Variants in SH3GL2 observed in about 807,000 individuals in gnomAD.
SH3GL2 encodes SH3 domain containing GRB2 like 2, endophilin A1.
A neutral mutation model predicts 46.0 loss-of-function variants in SH3GL2; 24 were observed. That is an observed-to-expected ratio of 0.52 (90% CI 0.38 to 0.73). SH3GL2 has a LOEUF of 0.73. SH3GL2 is among the 30% of genes least tolerant of loss of function. The probability of loss-of-function intolerance (pLI) is 0.00; values close to 1 mark genes in which losing one functional copy is unlikely to be tolerated. For missense variants in SH3GL2, 413 were observed against 424.2 expected (o/e 0.97, Z 0.23); for synonymous variants, 196 against 147.1 (o/e 1.33, Z -2.40).
intron 1 of SH3GL2, among the ~76,000 whole-genome samples, chr9:17,642,068 G>C (rs1004608304): frequency 6.6e-6 from 1 of 152,132 alleles, no homozygotes; most frequent in East Asian, 1.9e-4. Context: ...CAGTGTAAAA[G>C]CATTCCTGTT....
At chr9:17,764,003 A>G (rs1823250585) in intron 3 of SH3GL2, among the ~76,000 whole-genome samples, 1 of 152,204 alleles carries the variant, frequency 6.6e-6, no homozygotes, top group South Asian at 2.1e-4. Flanking sequence ...AGGAGGAGGT[A>G]ATTGAGAAGA....
At chr9:17,782,855 C>T (rs1485452625) in intron 3 of SH3GL2, among the ~76,000 whole-genome samples, 1 of 152,160 alleles carries the variant, frequency 6.6e-6, no homozygotes, top group Admixed American at 6.5e-5. Context: ...ATCTTTCTGT[C>T]ACCCTCTCTA....
intron 1 of SH3GL2, among the ~76,000 whole-genome samples, chr9:17,604,742 C>G (rs746204851): frequency 2.6e-5 from 4 of 152,108 alleles, no homozygotes; most frequent in Non-Finnish European, 5.9e-5. Flanking sequence ...GCCTGGAGGG[C>G]TGGCATCTAC....
At chr9:17,740,558 C>G (rs1384182608) in intron 1 of SH3GL2, among the ~76,000 whole-genome samples, 6 of 151,944 alleles carry the variant, frequency 3.9e-5, no homozygotes, top group Non-Finnish European at 8.8e-5. Context: ...AGAGGATGGT[C>G]TTTTATTTAT....
At position 17,796,063 on chromosome 9, in the gene SH3GL2, C is replaced by G. The variant is rs564061117; in HGVS notation, c.*320C>G. ...GACCATGAGCCATTTCACAGAAAAA[C>G]CATCCCACCGAAGATATTGTCTATC... On this transcript the variant is annotated 3_prime_UTR_variant, in exon 9 of 9. Coordinates refer to ENST00000380607, the MANE Select transcript of SH3GL2 (RefSeq NM_003026.5). 1 of 278,522 alleles carries G rather than the reference C, an allele frequency of 3.6e-6. No individual in the cohort carries two copies. Among genetic ancestry groups the G allele is most frequent in the East Asian group, 6.4e-5 (1 of 15,602 alleles). 17.3% of individuals were successfully genotyped at this position (278,522 alleles called of 1,614,324 possible). A position where few individuals can be genotyped will look rare whatever the true frequency, so the allele number is the denominator to read the frequency against.
intron 1 of SH3GL2, among the ~76,000 whole-genome samples, chr9:17,602,720 A>G (rs1473828835): frequency 1.3e-5 from 2 of 152,188 alleles, no homozygotes; most frequent in African/African-American, 4.8e-5. Flanking sequence ...GGGAAGATGG[A>G]GTGGGAATAA....
At chr9:17,712,656 C>T (rs1265567835) in intron 1 of SH3GL2, among the ~76,000 whole-genome samples, 7 of 151,794 alleles carry the variant, frequency 4.6e-5, no homozygotes, top group Non-Finnish European at 1.0e-4. Flanking sequence ...TATTCTGTAG[C>T]AGTGATCTAT....
intron 1 of SH3GL2, among the ~76,000 whole-genome samples, chr9:17,739,872 C>T (rs1248991491): frequency 1.3e-5 from 2 of 152,012 alleles, no homozygotes; most frequent in African/African-American, 2.4e-5. Context: ...TTACTTTTAA[C>T]CCCAGTGAAC....
chr9:17,646,452 G>A (rs914379542), intron 1 of SH3GL2, among the ~76,000 whole-genome samples: 4 of 152,036 alleles, frequency 2.6e-5, no homozygotes, highest in Non-Finnish European at 5.9e-5. Flanking sequence ...AGGAGAAGAG[G>A]CGTTCTGGTT....
intron 3 of SH3GL2, among the ~76,000 whole-genome samples, chr9:17,778,284 G>C (rs1344880851): frequency 2.0e-5 from 3 of 152,118 alleles, no homozygotes; most frequent in Non-Finnish European, 4.4e-5. Flanking sequence ...TGAGCCCTGG[G>C]CATGTATGAG....
rs371028489 is a variant in SH3GL2, at chr9:17,746,161, G to A, written c.46-905G>A. Reference sequence around the variant, plus strand: ...GGGATCTCCGCTCACTGCAGGCTCCGCCCCGCTGTGTTCACACCATTCTCC... The same window carrying A: ...GGGATCTCCGCTCACTGCAGGCTCCACCCCGCTGTGTTCACACCATTCTCC... On this transcript the variant is annotated intron_variant, in intron 1 of 8. Coordinates refer to ENST00000380607, the MANE Select transcript of SH3GL2 (RefSeq NM_003026.5). Among the ~76,000 whole-genome samples the A allele has an allele frequency of 4.2e-3, 637 of 152,144 alleles. 7 individuals are homozygous for A. The highest frequency in any genetic ancestry group is 0.014 in the African/African-American group (592 of 41,504).
At chr9:17,768,581 G>C (rs1452364271) in intron 3 of SH3GL2, among the ~76,000 whole-genome samples, 1 of 151,938 alleles carries the variant, frequency 6.6e-6, no homozygotes, top group Non-Finnish European at 1.5e-5. Context: ...GTCTCTCCTA[G>C]TTCCTTCTCC....
intron 1 of SH3GL2, among the ~76,000 whole-genome samples, chr9:17,677,789 C>A (rs1469076599): frequency 2.0e-5 from 3 of 151,910 alleles, no homozygotes; most frequent in African/African-American, 7.3e-5. Context: ...CTCCCCCCAC[C>A]CCACAACAGG....
intron 1 of SH3GL2, among the ~76,000 whole-genome samples, chr9:17,691,295 A>G (rs1821071179): frequency 6.6e-6 from 1 of 152,134 alleles, no homozygotes; most frequent in Admixed American, 6.6e-5. Flanking sequence ...TACTAACCCT[A>G]ATTCTACTTT....
At chr9:17,729,216 G>A (rs147580658) in intron 1 of SH3GL2, among the ~76,000 whole-genome samples, 10,549 of 152,046 alleles carry the variant, frequency 0.069, 552 homozygotes, top group Admixed American at 0.17. Flanking sequence ...TCTAATGACC[G>A]GTGATGATGA....
At chr9:17,766,095 T>C (rs1420230041) in intron 3 of SH3GL2, among the ~76,000 whole-genome samples, 1 of 152,230 alleles carries the variant, frequency 6.6e-6, no homozygotes, top group African/African-American at 2.4e-5. Context: ...GACTGGAGGC[T>C]TGTCCTCTGG....
At chr9:17,748,656 GTCT>G (rs1822758971) in intron 2 of SH3GL2, among the ~76,000 whole-genome samples, 1 of 151,996 alleles carries the variant, frequency 6.6e-6, no homozygotes, top group South Asian at 2.1e-4. Context: ...TTTTCTTTGT[GTCT>G]TCCATGAACC....
At chr9:17,697,977 C>T (rs186213548) in intron 1 of SH3GL2, among the ~76,000 whole-genome samples, 4 of 152,328 alleles carry the variant, frequency 2.6e-5, no homozygotes, top group Admixed American at 6.5e-5. Context: ...TCACTTTCTG[C>T]GTTCCGTTTG....
chr9:17,645,668 A>AAAAAAAAAAAAAAG (rs1819797402), intron 1 of SH3GL2, among the ~76,000 whole-genome samples: 2 of 152,230 alleles, frequency 1.3e-5, no homozygotes, highest in African/African-American at 4.8e-5. Flanking sequence ...TGGGTTGAAA[A>AAAAAAAAAAAAAAG]TTCTTGTCTT....
Sources: gnomAD v4.1 joint callset for allele counts (sites outside exome capture counted in the v4.1 genomes callset) on GRCh38, gnomAD v4.1.1 for gene constraint, MANE v1.5 for transcripts, NCBI Gene and HGNC (gene_info 2026-07-23, HGNC 2026-07-21) for gene names.